Variants in RPS6KL1 observed in about 807,000 individuals in gnomAD.
The protein encoded by RPS6KL1 is ribosomal protein S6 kinase like 1.
A neutral mutation model predicts 57.0 loss-of-function variants in RPS6KL1; 41 were observed. The observed-to-expected ratio is 0.72, with a 90% CI of 0.56 to 0.93. RPS6KL1 has a LOEUF of 0.93. Among genes scored for constraint, RPS6KL1 ranks in the 40% least tolerant of loss-of-function variants. The pLI, the probability that RPS6KL1 is intolerant of heterozygous loss-of-function variation, is 0.00. For synonymous variants in RPS6KL1, 287 were observed against 309.7 expected, an observed-to-expected ratio of 0.93 and a Z score of 0.77; for missense variants, 697 against 727.7, an observed-to-expected ratio of 0.96 and a Z score of 0.49.
In RPS6KL1 at chr14:74,922,383, CCTG is replaced by C; in HGVS notation, c.-429_-427del. ...TTCTCCGTGGACCGGATGGATTGCC[CCTG>C]CTGTGTTTTGTTCCCTTGGTCCTGA... On this transcript the variant is annotated 5_prime_UTR_variant, in exon 2 of 12. Transcript: ENST00000557413. 2.0e-6 allele frequency: 2 copies of C among 984,592 alleles called. No homozygotes were observed. The highest frequency in any genetic ancestry group is 2.4e-6 in the Non-Finnish European group (2 of 829,058). 61.0% of individuals were successfully genotyped at this position (984,592 alleles called of 1,614,324 possible). A position where few individuals can be genotyped will look rare whatever the true frequency, so the allele number is the denominator to read the frequency against.
Position 74,919,976 on chromosome 14 carries a change from G to A in RPS6KL1, c.266-7C>T, listed in dbSNP as rs756501973. 6.2e-7 allele frequency: 1 copy of A among 1,614,006 alleles called. No individual in the cohort carries two copies. The highest frequency in any genetic ancestry group is 8.5e-7 in the Non-Finnish European group (1 of 1,180,032). On this transcript the variant is annotated splice_region_variant and splice_polypyrimidine_tract_variant and intron_variant, in intron 3 of 11. Transcript: ENST00000557413. ...CGCTCCTTGTTGGGGTCAACTGTGG[G>A]AGACAAGAGTCACCAGGGTCCCCAG... is the stretch of plus-strand genomic sequence containing the variant.
chr14:74,910,773 CAG>C (rs1171367219), intron 7 of RPS6KL1: 2 of 166,354 alleles, frequency 1.2e-5, no homozygotes, highest in African/African-American at 4.8e-5. Context: ...TGGTACCACA[CAG>C]GGGCCCACAA....
At chr14:74,919,314 G>C (rs1887392236) in intron 4 of RPS6KL1, among the ~76,000 whole-genome samples, 1 of 152,384 alleles carries the variant, frequency 6.6e-6, no homozygotes, top group Non-Finnish European at 1.5e-5. Context: ...GGAGGGCTGC[G>C]TGAGTACGCG....
chr14:74,910,264 G>C, intron 7 of RPS6KL1, 116 bp from the exon 8 acceptor site: 1 of 1,242,098 alleles, frequency 8.1e-7, no homozygotes, highest in Non-Finnish European at 1.1e-6. Flanking sequence ...TTCCGCCTCT[G>C]GGTGTCCTGG....
intron 5 of RPS6KL1, among the ~76,000 whole-genome samples, chr14:74,913,385 C>T (rs1886340287): frequency 6.6e-6 from 1 of 152,030 alleles, no homozygotes; most frequent in African/African-American, 2.4e-5. Context: ...GGTGAAACCT[C>T]GTCTCTACTA....
intron 7 of RPS6KL1, chr14:74,910,358 G>T: frequency 1.8e-5 from 8 of 445,618 alleles, no homozygotes; most frequent in Non-Finnish European, 2.7e-5. Context: ...ACTAAAGTGG[G>T]CCCAGCCTTA....
At position 74,909,763 on chromosome 14, in the gene RPS6KL1, C is replaced by G. The variant is rs1254744171; in HGVS notation, c.1050G>C (p.Glu350Asp). 1.2e-6 allele frequency: 2 copies of G among 1,607,078 alleles called. No homozygotes were observed. Among genetic ancestry groups the G allele is most frequent in the South Asian group, 2.2e-5 (2 of 90,906 alleles). ...GPPRGLTWVP[E>D]GAGPVLGGCG... ...AGCCCCCTAGCACCGGGCCGGCCCC[C>G]TCAGGAACCCAAGTGAGCCCCCGAG... Residue 350 changes from glutamate (E) to aspartate (D), a missense_variant, in exon 8 of 12, where the codon GAG becomes GAC. Physicochemically the swap from Glu to Asp is conservative, Grantham distance 45. Coordinates refer to ENST00000557413, the MANE Select transcript of RPS6KL1 (RefSeq NM_031464.5).
chr14:74,921,777 C>CTT (rs57626529), intron 2 of RPS6KL1: 212,391 of 824,288 alleles, frequency 0.26, 6,651 homozygotes, highest in East Asian at 0.35. Flanking sequence ...GTTTTCTTTT[C>CTT]TTTTTTTTTT....
In RPS6KL1 at chr14:74,904,187, A is replaced by G. The variant is rs538356616; in HGVS notation, c.*2827T>C. The G allele has an allele frequency of 6.6e-6, 1 of 152,380 alleles. No individual in the cohort carries two copies. The highest frequency in any genetic ancestry group is 2.1e-4 in the South Asian group (1 of 4,828). The allele number at this position is 152,380 out of a possible 1,614,324, so 9.4% of individuals were successfully genotyped here. A position where few individuals can be genotyped will look rare whatever the true frequency, so the allele number is the denominator to read the frequency against. ...GACCTGGGGATGTTGTCATAGGCAG[A>G]ATCAAAGATTTTCTGATTGGCAATT... On this transcript the variant is annotated 3_prime_UTR_variant, in exon 12 of 12. Coordinates refer to ENST00000557413, the MANE Select transcript of RPS6KL1 (RefSeq NM_031464.5).
rs751629278 is a variant in RPS6KL1 at position 74,910,000 on chromosome 14, A to T, written c.813T>A (p.Pro271=). 6.2e-7 allele frequency: 1 copy of T among 1,613,980 alleles called. No individual in the cohort carries two copies. Among genetic ancestry groups the T allele is most frequent in the Non-Finnish European group, 8.5e-7 (1 of 1,179,932 alleles). ...TPARLPSGHA[P]GQDRIALEPP... is the part of the protein sequence containing the mutation. ...GCTCCAGGGCGATTCTGTCCTGGCC[A>T]GGGGCATGGCCTGAGGGAAGCCTCG... The change falls in exon 8 of 12, where the codon CCT becomes CCA. Residue 271 remains proline, a synonymous_variant. Transcript: ENST00000557413.
rs573388438 is a variant in RPS6KL1 at position 74,919,835 on chromosome 14, G to T, written c.390+10C>A. The T allele has an allele frequency of 6.4e-5, 103 of 1,610,180 alleles. No homozygotes were observed. Among genetic ancestry groups the T allele is most frequent in the South Asian group, 5.1e-4 (46 of 90,926 alleles). On this transcript the variant is annotated intron_variant, in intron 4 of 11. Coordinates refer to ENST00000557413, the MANE Select transcript of RPS6KL1 (RefSeq NM_031464.5). The stretch of plus-strand genomic sequence containing the variant: ...CCGCTCAGGCCTTTGGGTGGGGGGG[G>T]TCTCCTCACCGCGCTGGGGCTGGCT...
In RPS6KL1 at chr14:74,904,956, C is replaced by G. The variant is rs1884526719; in HGVS notation, c.*2058G>C. The G allele has an allele frequency of 6.6e-6, 1 of 152,152 alleles. No homozygotes were observed. Among genetic ancestry groups the G allele is most frequent in the South Asian group, 2.1e-4 (1 of 4,818 alleles). The allele number at this position is 152,152 out of a possible 1,614,324, so 9.4% of individuals were successfully genotyped here. On this transcript the variant is annotated 3_prime_UTR_variant, in exon 12 of 12. Transcript: ENST00000557413. ...AGTGAGGCCATCCCTCTGTGAAGGT[C>G]TGTCACAGGAGGGAAGTGGGTCCCA...
intron 3 of RPS6KL1, 41 bp from the exon 4 acceptor site, chr14:74,920,010 T>A: frequency 6.2e-7 from 1 of 1,612,956 alleles, no homozygotes; most frequent in East Asian, 2.2e-5. Flanking sequence ...AGCCATGGCC[T>A]CGGAGGGCTG....
chr14:74,909,975 G>C lies in RPS6KL1; in HGVS notation c.838C>G (p.Pro280Ala). ...AGAAGGTTCGGAGAAGTCCTAGGAG[G>C]CTCCAGGGCGATTCTGTCCTGGCCA... Reference protein sequence around the residue: ...APGQDRIALEPPRTSPNLLLA... With the variant: ...APGQDRIALEAPRTSPNLLLA... The change falls in exon 8 of 12, where the codon CCT (proline) becomes GCT (alanine). Residue 280 changes from proline (P) to alanine (A), a missense_variant. Pro to Ala is a conservative substitution (Grantham distance 27). Transcript: ENST00000557413. 1 of 1,614,116 alleles carries C rather than the reference G, an allele frequency of 6.2e-7. No individual in the cohort carries two copies.
intron 5 of RPS6KL1, among the ~76,000 whole-genome samples, chr14:74,913,714 G>A (rs917636122): frequency 6.6e-6 from 1 of 152,152 alleles, no homozygotes; most frequent in Admixed American, 6.5e-5. Context: ...ACTTCCTTCA[G>A]GGGGTCCTGA....
At chr14:74,918,073 CCTGT>C (rs1412433162) in intron 5 of RPS6KL1, among the ~76,000 whole-genome samples, 2 of 150,560 alleles carry the variant, frequency 1.3e-5, no homozygotes, top group African/African-American at 4.9e-5. Flanking sequence ...GTGGAAAGGG[CCTGT>C]CTGCCTCTTC....
chr14:74,919,829 G>GGT lies in RPS6KL1; in HGVS notation c.390+15_390+16insAC, dbSNP rs746351370. 6.2e-6 allele frequency: 10 copies of GGT among 1,608,748 alleles called. No homozygotes were observed. Among genetic ancestry groups the GGT allele is most frequent in the South Asian group, 1.1e-5 (1 of 90,852 alleles). ...CTCCTCCCGCTCAGGCCTTTGGGTG[G>GGT]GGGGGGTCTCCTCACCGCGCTGGGG... On this transcript the variant is annotated intron_variant, in intron 4 of 11. Transcript: ENST00000557413.
In RPS6KL1 at chr14:74,906,807, C is replaced by T. The variant is rs1244490111; in HGVS notation, c.*207G>A. 3 of 707,892 alleles carry T rather than the reference C, an allele frequency of 4.2e-6. No homozygotes were observed. The highest frequency in any genetic ancestry group is 7.8e-6 in the Non-Finnish European group (3 of 384,108). The allele number at this position is 707,892 out of a possible 1,614,324, so 43.9% of individuals were successfully genotyped here. On this transcript the variant is annotated 3_prime_UTR_variant, in exon 12 of 12. Transcript: ENST00000557413. ...TGCTTAGCAGGGCAAGCCTTGACTG[C>T]CCCCACCTCCAGCTTTTCCAGGAGC...
intron 6 of RPS6KL1, 112 bp downstream of exon 6, chr14:74,911,682 C>CT: frequency 9.6e-7 from 1 of 1,045,708 alleles, no homozygotes; most frequent in East Asian, 2.6e-5. Context: ...GAACAACCAG[C>CT]TTTTGTGGGA....
Sources: gnomAD v4.1 joint callset for allele counts (sites outside exome capture counted in the v4.1 genomes callset) on GRCh38, gnomAD v4.1.1 for gene constraint, MANE v1.5 for transcripts, NCBI Gene and HGNC (gene_info 2026-07-23, HGNC 2026-07-21) for gene names.